Variants in HUWE1 observed in about 807,000 individuals in gnomAD.
HUWE1 encodes HECT, UBA and WWE domain containing E3 ubiquitin protein ligase 1, also known as E3 ubiquitin-protein ligase HUWE1.
HUWE1 carries 18 observed loss-of-function variants against 299.4 expected under a neutral mutation model. The ratio of observed to expected loss-of-function variants is 0.06; its 90% CI spans 0.04 to 0.09. HUWE1 has a LOEUF of 0.09. Among genes scored for constraint, HUWE1 ranks in the 10% least tolerant of loss-of-function variants. HUWE1 has a pLI of 1.00. For synonymous variants in HUWE1, 1,317 were observed against 1,286.1 expected, an observed-to-expected ratio of 1.02 and a Z score of -0.51; for missense variants, 1,832 against 3,462.3, an observed-to-expected ratio of 0.53 and a Z score of 11.82.
At chrX:53,672,158 G>A (rs2069580340) in intron 3 of HUWE1, among the ~76,000 whole-genome samples, 1 of 111,108 alleles carries the variant, frequency 9.0e-6, no homozygotes, top group African/African-American at 3.3e-5. Context: ...AAGACAGTTT[G>A]GGGACAACTG....
At chrX:53,584,956 A>G in intron 40 of HUWE1, 56 bp downstream of exon 40, 2 of 1,165,453 alleles carry the variant, frequency 1.7e-6, no homozygotes, top group Non-Finnish European at 2.3e-6. Context: ...AGACATCCTG[A>G]GCCATATGTG....
At chrX:53,535,268 T>G in intron 81 of HUWE1, 116 bp downstream of exon 81, 1 of 561,688 alleles carries the variant, frequency 1.8e-6, no homozygotes, top group Non-Finnish European at 3.2e-6. Flanking sequence ...TTGTCTTTTG[T>G]GCAAGGCATT....
intron 43 of HUWE1, among the ~76,000 whole-genome samples, chrX:53,578,628 T>G (rs1367751338): frequency 2.1e-4 from 11 of 52,561 alleles, no homozygotes; most frequent in Non-Finnish European, 3.2e-4. Flanking sequence ...GGGAGGGAGG[T>G]GGGGGAGTCA....
At chrX:53,598,693 T>C in intron 29 of HUWE1, among the ~76,000 whole-genome samples, 1 of 112,312 alleles carries the variant, frequency 8.9e-6, no homozygotes, top group Non-Finnish European at 1.9e-5. Context: ...TAGATAGCTA[T>C]TAGTAGTTAA....
chrX:53,669,335 T>G (rs1417191899), intron 3 of HUWE1, among the ~76,000 whole-genome samples: 1 of 112,399 alleles, frequency 8.9e-6, no homozygotes, highest in Admixed American at 9.4e-5. Flanking sequence ...CAAATGTTCT[T>G]AAATAAACCA....
chrX:53,602,076 G>A lies in HUWE1; in HGVS notation c.2971+488C>T, dbSNP rs916776935. ...ACACATATATAATTTAAATTTTCTA[G>A]TAGCCACATTAAAAAGTATTTGTTA... On this transcript the variant is annotated intron_variant, in intron 28 of 83. Transcript: ENST00000262854. Among the ~76,000 whole-genome samples, 8 of 111,947 alleles carry A rather than the reference G, an allele frequency of 7.1e-5. No homozygotes were observed. In the East Asian group the frequency reaches 1.9e-3, roughly 27 times the overall value.
intron 27 of HUWE1, 61 bp from the exon 28 acceptor site, chrX:53,602,719 T>G: frequency 3.3e-6 from 2 of 607,309 alleles, no homozygotes; most frequent in Non-Finnish European, 5.2e-6. Flanking sequence ...ATAATTCACC[T>G]CTTATATTGT....
chrX:53,565,663 G>C (rs1010281429), intron 49 of HUWE1, among the ~76,000 whole-genome samples: 1 of 107,496 alleles, frequency 9.3e-6, no homozygotes, highest in Admixed American at 1.0e-4. Flanking sequence ...ACAGGGTCTC[G>C]CTGTGTCACC....
intron 55 of HUWE1, 115 bp from the exon 56 acceptor site, chrX:53,560,531 C>A (rs1278353413): frequency 1.6e-6 from 1 of 607,048 alleles, no homozygotes; most frequent in Non-Finnish European, 2.6e-6. Context: ...TGAGCTTTGT[C>A]CTTTCTCCCT....
chrX:53,600,788 A>G (rs781909864), intron 28 of HUWE1, among the ~76,000 whole-genome samples: 2 of 112,910 alleles, frequency 1.8e-5, no homozygotes, highest in Admixed American at 9.3e-5. Flanking sequence ...TAGATCTAAG[A>G]ATGAGCTTTA....
intron 60 of HUWE1, among the ~76,000 whole-genome samples, chrX:53,555,272 T>C (rs1418696409): frequency 3.6e-5 from 4 of 112,041 alleles, no homozygotes; most frequent in Admixed American, 9.5e-5. Context: ...CAAAATCCTA[T>C]TGATCCTCCC....
rs375011699 is a variant in HUWE1 at position 53,557,463 on chromosome X, G to A, written c.8161-36C>T. On this transcript the variant is annotated intron_variant, in intron 59 of 83. Coordinates refer to ENST00000262854, the MANE Select transcript of HUWE1 (RefSeq NM_031407.7). ...AAGGGATAGACCAATGTGGGACTTT[G>A]CAAGCACCTAAGATAGAGGTCAACT... is the stretch of plus-strand genomic sequence containing the variant. The A allele has an allele frequency of 9.8e-6, 11 of 1,117,416 alleles. No homozygotes were observed. In the Admixed American group the frequency reaches 1.5e-4, roughly 16 times the overall value. 92.1% of individuals were successfully genotyped at this position (1,117,416 alleles called of 1,213,427 possible).
At position 53,534,310 on chromosome X, in the gene HUWE1, C is replaced by G. The variant is rs1390408052; in HGVS notation, c.12832-113G>C. On this transcript the variant is annotated intron_variant, in intron 82 of 83. Transcript: ENST00000262854. The stretch of plus-strand genomic sequence containing the variant: ...ACTTGGTATCTGAGGCAAGTCCCTT[C>G]TGTGGGATGAGCTTTAGCTCCTTTC... 4.0e-6 allele frequency: 3 copies of G among 747,084 alleles called. No homozygotes were observed. The East Asian group carries it at 9.9e-5, about 25-fold the overall frequency. 61.6% of individuals were successfully genotyped at this position (747,084 alleles called of 1,213,427 possible).
At chrX:53,671,472 C>A (rs1557049282) in intron 3 of HUWE1, among the ~76,000 whole-genome samples, 2 of 111,291 alleles carry the variant, frequency 1.8e-5, no homozygotes, top group South Asian at 7.5e-4. Context: ...ATTCTGCATA[C>A]AATAAAATAC....
In HUWE1 at chrX:53,647,380, G is replaced by A. The variant is rs2068127501; in HGVS notation, c.339C>T (p.Tyr113=). 2 of 1,206,029 alleles carry A rather than the reference G, an allele frequency of 1.7e-6. No individual in the cohort carries two copies. The highest frequency in any genetic ancestry group is 2.3e-4 in the Middle Eastern group (1 of 4,348). The change falls in exon 6 of 84, where the codon TAC becomes TAT. Residue 113 remains tyrosine, a synonymous_variant. Transcript: ENST00000262854. ...TAACCTCCCCTACCTCTATGGAACT[G>A]TACAGATGCCGGGAAAAGCTGTACT... ...LIEYSFSRHL[Y]SSIEHLTTLL...
chrX:53,678,631 T>C (rs1557051984), intron 3 of HUWE1, among the ~76,000 whole-genome samples: 1 of 112,035 alleles, frequency 8.9e-6, no homozygotes, highest in Non-Finnish European at 1.9e-5. Context: ...GTAGAAGCTC[T>C]CAAAAACTGT....
At chrX:53,595,516 C>G in intron 29 of HUWE1, 113 bp from the exon 30 acceptor site, 1 of 597,627 alleles carries the variant, frequency 1.7e-6, no homozygotes. Context: ...CCTACAACCC[C>G]TAGTTAACAC....
At chrX:53,621,285 T>G (rs2066131260) in intron 19 of HUWE1, among the ~76,000 whole-genome samples, 1 of 110,140 alleles carries the variant, frequency 9.1e-6, no homozygotes. Context: ...TGGCTCATGG[T>G]CTGGGTCTGG....
Position 53,680,113 on chromosome X carries a change from C to T in HUWE1, c.-89G>A, listed in dbSNP as rs1305490330. 7 of 295,519 alleles carry T rather than the reference C, an allele frequency of 2.4e-5. No homozygotes were observed. Among genetic ancestry groups the T allele is most frequent in the African/African-American group, 1.1e-4 (4 of 36,272 alleles). 24.4% of individuals were successfully genotyped at this position (295,519 alleles called of 1,213,427 possible). A position where few individuals can be genotyped will look rare whatever the true frequency, so the allele number is the denominator to read the frequency against. On this transcript the variant is annotated 5_prime_UTR_variant, in exon 3 of 84. Coordinates refer to ENST00000262854, the MANE Select transcript of HUWE1 (RefSeq NM_031407.7). ...TCCCCACACTGCTCCAACAGCTTCC[C>T]GAACCTTCCTGACCAAGTTGGCCTG...
Sources: allele counts gnomAD v4.1 joint callset (sites outside exome capture counted in the v4.1 genomes callset), GRCh38; gene constraint gnomAD v4.1.1; transcripts MANE v1.5; gene names NCBI Gene and HGNC (gene_info 2026-07-23, HGNC 2026-07-21).